The following NEGR1 variants were observed in gnomAD, a reference collection of about 807,000 sequenced individuals.
The protein encoded by NEGR1 is neuronal growth regulator 1.
In NEGR1, 10 loss-of-function variants were observed where a neutral mutation model predicts 40.9. The ratio of observed to expected loss-of-function variants is 0.24; its 90% CI spans 0.15 to 0.42. The LOEUF is 0.42. NEGR1 is among the 10% of genes least tolerant of loss of function. The pLI, the probability that NEGR1 is intolerant of heterozygous loss-of-function variation, is 1.00. For missense variants in NEGR1, 352 were observed against 438.9 expected (o/e 0.80, Z 1.77); for synonymous variants, 185 against 166.8 (o/e 1.11, Z -0.84).
At chr1:71,725,834 A>G (rs918364152) in intron 3 of NEGR1, among the ~76,000 whole-genome samples, 2 of 152,120 alleles carry the variant, frequency 1.3e-5, no homozygotes, top group Non-Finnish European at 2.9e-5. Flanking sequence ...ACAATATTCT[A>G]TGCCAAATGA....
chr1:71,705,525 A>C (rs991211345), intron 3 of NEGR1, among the ~76,000 whole-genome samples: 3 of 152,192 alleles, frequency 2.0e-5, no homozygotes, highest in African/African-American at 7.2e-5. Context: ...ATGTATAACA[A>C]ATTTTGAAAG....
At chr1:71,645,818 G>A (rs1462935861) in intron 4 of NEGR1, among the ~76,000 whole-genome samples, 2 of 151,788 alleles carry the variant, frequency 1.3e-5, no homozygotes, top group African/African-American at 4.8e-5. Context: ...TTAATCAGCT[G>A]ACATATATTG....
chr1:72,233,990 CTTTTA>C (rs913296464), intron 1 of NEGR1, among the ~76,000 whole-genome samples: 1 of 151,980 alleles, frequency 6.6e-6, no homozygotes, highest in African/African-American at 2.4e-5. Context: ...AAAAAATTAT[CTTTTA>C]TTTTAAGTTC....
intron 1 of NEGR1, among the ~76,000 whole-genome samples, chr1:72,046,393 A>G (rs935829983): frequency 6.6e-6 from 1 of 151,640 alleles, no homozygotes; most frequent in African/African-American, 2.4e-5. Flanking sequence ...AAAAGTATAC[A>G]AAGAAAAATA....
intron 1 of NEGR1, among the ~76,000 whole-genome samples, chr1:71,957,906 A>C (rs1646132156): frequency 6.6e-6 from 1 of 152,216 alleles, no homozygotes; most frequent in Admixed American, 6.5e-5. Context: ...ATAGTAGGTA[A>C]CTTGGTCTAT....
intron 4 of NEGR1, among the ~76,000 whole-genome samples, chr1:71,664,728 A>G (rs1222107219): frequency 2.0e-5 from 3 of 149,420 alleles, no homozygotes; most frequent in Non-Finnish European, 3.0e-5. Context: ...CTTCTTTGAG[A>G]AAAAAAAATA....
chr1:72,080,252 T>A (rs912422726), intron 1 of NEGR1, among the ~76,000 whole-genome samples: 1 of 152,098 alleles, frequency 6.6e-6, no homozygotes, highest in Non-Finnish European at 1.5e-5. Context: ...ATATTGAAAA[T>A]AATCTTGCAT....
In NEGR1 at chr1:72,071,198, G is replaced by C. The variant is rs774498850; in HGVS notation, c.177-135887C>G. On this transcript the variant is annotated intron_variant, in intron 1 of 6. Coordinates refer to ENST00000357731, the MANE Select transcript of NEGR1 (RefSeq NM_173808.3). The stretch of plus-strand genomic sequence containing the variant: ...TTTATTGAAATGAGAAAAAAAGTCA[G>C]ACATGTTGAATATTCTATTAGACTA... Among the ~76,000 whole-genome samples, 138 of 152,010 alleles carry C rather than the reference G, an allele frequency of 9.1e-4. 1 individual carries two copies. The highest frequency in any genetic ancestry group is 1.7e-3 in the Non-Finnish European group (115 of 67,926).
chr1:72,139,344 CAACA>C (rs1381634002), intron 1 of NEGR1, among the ~76,000 whole-genome samples: 1 of 147,772 alleles, frequency 6.8e-6, no homozygotes, highest in East Asian at 2.0e-4. Flanking sequence ...ATAGAAAAAA[CAACA>C]AACAAAAGTT....
intron 1 of NEGR1, among the ~76,000 whole-genome samples, chr1:72,183,118 A>G (rs12067394): frequency 0.038 from 5,818 of 152,076 alleles, 354 homozygotes; most frequent in African/African-American, 0.13. Flanking sequence ...CTGAAAAGAG[A>G]AGTATGCTTA....
chr1:71,834,549 T>A (rs1658950059), intron 2 of NEGR1, among the ~76,000 whole-genome samples: 1 of 148,814 alleles, frequency 6.7e-6, no homozygotes, highest in South Asian at 2.2e-4. Flanking sequence ...TTTTATACCA[T>A]TGGCTCCACT....
rs146922185 is a variant in NEGR1 at position 72,049,345 on chromosome 1, C to T, written c.177-114034G>A. On this transcript the variant is annotated intron_variant, in intron 1 of 6. Coordinates refer to ENST00000357731, the MANE Select transcript of NEGR1 (RefSeq NM_173808.3). ...GAGTGAGTCCCTGTCTCTAAAAATA[C>T]TTAATAAATAAGCATAAAACTGAAG... is the stretch of plus-strand genomic sequence containing the variant. 6.6e-5 allele frequency among the ~76,000 whole-genome samples: 10 copies of T among 151,346 alleles called. No homozygotes were observed. The East Asian group carries it at 1.2e-3, about 18-fold the overall frequency.
chr1:72,248,631 G>C (rs1047345827), intron 1 of NEGR1, among the ~76,000 whole-genome samples: 1 of 138,000 alleles, frequency 7.2e-6, no homozygotes, highest in Non-Finnish European at 1.6e-5. Context: ...ACAGAGTCTC[G>C]CTCTGTTGCC....
chr1:71,494,909 A>G (rs1419125929), intron 6 of NEGR1, among the ~76,000 whole-genome samples: 2 of 152,146 alleles, frequency 1.3e-5, no homozygotes, highest in African/African-American at 4.8e-5. Flanking sequence ...AGCAAGAGCA[A>G]ACCTTTCTCT....
intron 1 of NEGR1, among the ~76,000 whole-genome samples, chr1:72,018,011 A>C (rs1053920462): frequency 2.6e-5 from 4 of 152,162 alleles, no homozygotes; most frequent in Non-Finnish European, 5.9e-5. Context: ...TATTTATTTC[A>C]ATCTTGATTT....
At chr1:71,777,814 G>A (rs906966773) in intron 2 of NEGR1, among the ~76,000 whole-genome samples, 1 of 151,962 alleles carries the variant, frequency 6.6e-6, no homozygotes, top group Non-Finnish European at 1.5e-5. Flanking sequence ...CTGTTGATAT[G>A]ATTGAGGAGA....
At position 71,948,791 on chromosome 1, in the gene NEGR1, A is replaced by T. The variant is rs1646043830; in HGVS notation, c.177-13480T>A. Among the ~76,000 whole-genome samples, 3 of 152,044 alleles carry T rather than the reference A, an allele frequency of 2.0e-5. No individual in the cohort carries two copies. The South Asian group carries it at 6.2e-4, about 32-fold the overall frequency. ...TCAGAAATGCGAGTACCTCTAAGGG[A>T]TGTAAAATCCACTGCGATTTAGGAA... is the stretch of plus-strand genomic sequence containing the variant. On this transcript the variant is annotated intron_variant, in intron 1 of 6. Coordinates refer to ENST00000357731, the MANE Select transcript of NEGR1 (RefSeq NM_173808.3).
chr1:71,528,091 A>G (rs1203099977), intron 6 of NEGR1, among the ~76,000 whole-genome samples: 2 of 151,384 alleles, frequency 1.3e-5, no homozygotes, highest in African/African-American at 2.4e-5. Flanking sequence ...TCTGGCATAC[A>G]TGGAAGACCT....
chr1:71,502,990 A>T (rs1647009102), intron 6 of NEGR1, among the ~76,000 whole-genome samples: 1 of 152,156 alleles, frequency 6.6e-6, no homozygotes, highest in Non-Finnish European at 1.5e-5. Flanking sequence ...ACTGACAGGA[A>T]AAAGGAACCA....
Sources: gnomAD v4.1 joint callset for allele counts (sites outside exome capture counted in the v4.1 genomes callset) on GRCh38, gnomAD v4.1.1 for gene constraint, MANE v1.5 for transcripts, NCBI Gene and HGNC (gene_info 2026-07-23, HGNC 2026-07-21) for gene names.